Variants in GSN observed in about 807,000 individuals in gnomAD.
GSN encodes the protein actin-depolymerizing factor.
A neutral mutation model predicts 85.7 loss-of-function variants in GSN; 56 were observed. That is an observed-to-expected ratio of 0.65 (90% CI 0.53 to 0.82). GSN has a LOEUF of 0.82. GSN is among the 40% of genes least tolerant of loss of function. The pLI is 0.00. For synonymous variants in GSN, 373 were observed against 399.1 expected (o/e 0.93, Z 0.78); for missense variants, 857 against 979.8 (o/e 0.87, Z 1.67).
chr9:121,326,586 G>T lies in GSN; in HGVS notation c.1491G>T (p.Lys497Asn), dbSNP rs2063200062. 1 of 1,613,474 alleles carries T rather than the reference G, an allele frequency of 6.2e-7. No homozygotes were observed. The highest frequency in any genetic ancestry group is 1.3e-5 in the African/African-American group (1 of 74,926). ...GTGGGAAGCCCATGATCATCTACAA[G>T]GGCGGCACCTCCCGCGAGGGCGGGC... is the stretch of plus-strand genomic sequence containing the variant. The part of the protein sequence containing the change: ...LFGGKPMIIY[K>N]GGTSREGGQT... The change falls in exon 13 of 18, where the codon AAG (lysine) becomes AAT (asparagine). Residue 497 changes from lysine to asparagine, a missense_variant. By Grantham distance (94) the Lys-to-Asn change is moderately conservative. Coordinates refer to ENST00000432226, the MANE Select transcript of GSN (RefSeq NM_198252.3).
chr9:121,244,307 C>G (rs1420420968), intron 5 of GSN, among the ~76,000 whole-genome samples: 1 of 152,152 alleles, frequency 6.6e-6, no homozygotes, highest in Non-Finnish European at 1.5e-5. Context: ...TGTTCAGGTA[C>G]AGACAAATGT....
intron 4 of GSN, among the ~76,000 whole-genome samples, chr9:121,305,691 C>T (rs528997391): frequency 6.6e-6 from 1 of 152,268 alleles, no homozygotes; most frequent in South Asian, 2.1e-4. Context: ...GGATCACACT[C>T]GAGGAAAGCT....
chr9:121,329,382 A>G lies in GSN; in HGVS notation c.1965+67A>G, dbSNP rs1237707483. The G allele has an allele frequency of 2.0e-6, 2 of 977,874 alleles. No individual in the cohort carries two copies. The highest frequency in any genetic ancestry group is 1.3e-5 in the South Asian group (1 of 78,026). The allele number at this position is 977,874 out of a possible 1,614,324, so 60.6% of individuals were successfully genotyped here. On this transcript the variant is annotated intron_variant, in intron 16 of 17. Coordinates refer to ENST00000432226, the MANE Select transcript of GSN (RefSeq NM_198252.3). This position sits in a 1 kb window ranked among gnomAD's most constrained non-coding sequence, Gnocchi z 4.6. ...TGGGAGAAACTAGACTTCCAGTTCT[A>G]TGATCAGTTGCTAGAAGGACCTAAA...
intron 16 of GSN, 127 bp from the exon 17 acceptor site, chr9:121,331,261 T>C: frequency 2.9e-6 from 2 of 700,012 alleles, no homozygotes; most frequent in Non-Finnish European, 2.6e-6. Context: ...CCAGTCTTAG[T>C]TCATGGGCTC....
intron 5 of GSN, chr9:121,311,056 A>G (rs968397589): frequency 1.7e-6 from 1 of 595,172 alleles, no homozygotes; most frequent in African/African-American, 1.9e-5. Context: ...TTTGATTGAC[A>G]TATAGACTTC....
intron 5 of GSN, among the ~76,000 whole-genome samples, chr9:121,240,525 G>A (rs763811388): frequency 1.3e-5 from 2 of 152,186 alleles, no homozygotes; most frequent in Non-Finnish European, 2.9e-5. Context: ...TCTCTTTAGG[G>A]CCTGCTTTCC....
chr9:121,312,768 C>T (rs931658638), intron 6 of GSN: 2 of 240,348 alleles, frequency 8.3e-6, no homozygotes, highest in Non-Finnish European at 1.6e-5. Context: ...GCTGGGACCA[C>T]AGGCGAGTGC....
chr9:121,326,888 CT>C, intron 13 of GSN: 1 of 735,554 alleles, frequency 1.4e-6, no homozygotes, highest in Non-Finnish European at 2.5e-6. Flanking sequence ...CCCTTGCACA[CT>C]TTGCACAGTG....
Position 121,222,679 on chromosome 9 carries a change from A to G in GSN, c.-527-8486A>G, listed in dbSNP as rs533528393. 7.8e-4 allele frequency among the ~76,000 whole-genome samples: 119 copies of G among 152,330 alleles called. 1 individual carries two copies. The highest frequency in any genetic ancestry group is 1.1e-3 in the Non-Finnish European group (73 of 68,032). On this transcript the variant is annotated intron_variant, in intron 4 of 24. Transcript: ENST00000373823. ...CGTATGTTAGCAGTGGTGAATCCAT[A>G]TGGATCTGCATCAACCTCAATTCCT...
At chr9:121,311,209 G>T in intron 5 of GSN, 1 of 337,422 alleles carries the variant, frequency 3.0e-6, no homozygotes, top group Non-Finnish European at 5.7e-6. Flanking sequence ...ATGTATACTC[G>T]GGTATGTTGT....
Position 121,321,484 on chromosome 9 carries a change from G to A in GSN, c.1325+83G>A, listed in dbSNP as rs78842891. On this transcript the variant is annotated intron_variant, in intron 11 of 17. Coordinates refer to ENST00000432226, the MANE Select transcript of GSN (RefSeq NM_198252.3). ...GGCTGAAGACAAACTGAGGGTGTGA[G>A]GGCCTGAGGTGGGACCACCACTCCC... The A allele has an allele frequency of 1.2e-3, 1,638 of 1,400,742 alleles. 12 individuals carry two copies. In the African/African-American group the frequency reaches 0.021, roughly 18 times the overall value. The allele number at this position is 1,400,742 out of a possible 1,614,324, so 86.8% of individuals were successfully genotyped here.
intron 2 of GSN, chr9:121,282,069 G>A (rs565943025): frequency 8.5e-6 from 4 of 470,384 alleles, no homozygotes; most frequent in East Asian, 1.3e-4. Context: ...GGGCCAGCTG[G>A]CAGGGTGGGG....
intron 4 of GSN, among the ~76,000 whole-genome samples, chr9:121,211,679 T>C (rs1474330316): frequency 6.6e-6 from 1 of 152,100 alleles, no homozygotes; most frequent in African/African-American, 2.4e-5. Context: ...AATTTTCCTA[T>C]CTGGAATGTA....
intron 2 of GSN, among the ~76,000 whole-genome samples, chr9:121,291,148 T>G (rs1228980157): frequency 6.6e-6 from 1 of 152,172 alleles, no homozygotes; most frequent in Admixed American, 6.5e-5. Flanking sequence ...ACATAGAAAT[T>G]TACATTTACA....
rs575133537 is a variant in GSN at position 121,211,394 on chromosome 9, A to G, written c.-528+527A>G. ...CAAACAAACAAACAAAGCTGAAAAA[A>G]CCCACAAGTCTTAAAATGCCTTGAA... On this transcript the variant is annotated intron_variant, in intron 4 of 24. Transcript: ENST00000373823. Among the ~76,000 whole-genome samples, 3 of 152,302 alleles carry G rather than the reference A, an allele frequency of 2.0e-5. No individual in the cohort carries two copies. In the South Asian group the frequency reaches 6.2e-4, roughly 32 times the overall value.
intron 4 of GSN, chr9:121,231,083 A>G (rs1278160690): frequency 3.3e-5 from 5 of 152,212 alleles, no homozygotes; most frequent in Non-Finnish European, 7.3e-5. Context: ...TACATGATCA[A>G]TTGGCAGTCC....
Position 121,332,448 on chromosome 9 carries a change from G to A in GSN, c.2041G>A (p.Glu681Lys), listed in dbSNP as rs545428148. The change falls in exon 18 of 18, where the codon GAG becomes AAG. Residue 681 changes from glutamate (E) to lysine (K), a missense_variant. By Grantham distance (56) the Glu-to-Lys change is moderately conservative (BLOSUM62 1). Coordinates refer to ENST00000432226, the MANE Select transcript of GSN (RefSeq NM_198252.3). The surrounding 1 kb of genome is among the most constrained non-coding windows in gnomAD (Gnocchi z 4.8). ...EALTSAKRYIETDPANRDRRT... is the reference protein window; with the variant it reads ...EALTSAKRYIKTDPANRDRRT... ...TGTGTCTGCAGCTAAGCGGTACATC[G>A]AGACGGACCCAGCCAATCGGGATCG... 46 of 1,614,112 alleles carry A rather than the reference G, an allele frequency of 2.8e-5. No homozygotes were observed. The highest frequency in any genetic ancestry group is 3.8e-5 in the Non-Finnish European group (45 of 1,179,948).
At position 121,332,323 on chromosome 9, in the gene GSN, T is replaced by A; in HGVS notation, c.2027-111T>A. 2.0e-6 allele frequency: 2 copies of A among 992,784 alleles called. No homozygotes were observed. The highest frequency in any genetic ancestry group is 2.6e-5 in the South Asian group (2 of 78,150). The allele number at this position is 992,784 out of a possible 1,614,324, so 61.5% of individuals were successfully genotyped here. A position where few individuals can be genotyped will look rare whatever the true frequency, so the allele number is the denominator to read the frequency against. On this transcript the variant is annotated intron_variant, in intron 17 of 17. Coordinates refer to ENST00000432226, the MANE Select transcript of GSN (RefSeq NM_198252.3). This position sits in a 1 kb window ranked among gnomAD's most constrained non-coding sequence, Gnocchi z 4.8. ...GGCAGGGGGTGGGCAGTAGGGACAGTAGGACCATAGACCCTCTTCTTTGTC... is the reference window on the plus strand; with the variant it reads ...GGCAGGGGGTGGGCAGTAGGGACAGAAGGACCATAGACCCTCTTCTTTGTC...
rs1456102520 is a variant in GSN at position 121,327,475 on chromosome 9, C to T, written c.1755C>T (p.Ser585=). 32 of 1,572,926 alleles carry T rather than the reference C, an allele frequency of 2.0e-5. No individual in the cohort carries two copies. Among genetic ancestry groups the T allele is most frequent in the Admixed American group, 3.7e-5 (2 of 53,546 alleles). The change falls in exon 14 of 18, where the codon AGC becomes AGT. Residue 585 remains serine, a synonymous_variant. Transcript: ENST00000432226. ...RAQPVQVAEG[S]EPDGFWEALG... ...AACCTGTGCAGGTGGCAGAAGGCAGCGAGCCAGGTAGGAGCCGGGGTGGGG... is the reference window on the plus strand; with the variant it reads ...AACCTGTGCAGGTGGCAGAAGGCAGTGAGCCAGGTAGGAGCCGGGGTGGGG...
Sources: allele counts gnomAD v4.1 joint callset (sites outside exome capture counted in the v4.1 genomes callset), GRCh38; gene constraint gnomAD v4.1.1; non-coding constraint Gnocchi (gnomAD v3.1); transcripts MANE v1.5; gene names NCBI Gene and HGNC (gene_info 2026-07-23, HGNC 2026-07-21).